DGCR2: variants seen among roughly 807,000 people sequenced by gnomAD.
DGCR2 encodes DiGeorge syndrome critical region gene 2, also known as integral membrane protein DGCR2/IDD.
A neutral mutation model predicts 51.6 loss-of-function variants in DGCR2; 24 were observed. The ratio of observed to expected loss-of-function variants is 0.47; its 90% CI spans 0.34 to 0.65. DGCR2 has a LOEUF of 0.65. Among genes scored for constraint, DGCR2 ranks in the 30% least tolerant of loss-of-function variants. The pLI is 0.01. For synonymous variants in DGCR2, 340 were observed against 315.4 expected (o/e 1.08, Z -0.82); for missense variants, 765 against 772.1 (o/e 0.99, Z 0.11).
At chr22:19,073,658 T>C (rs897312515) in intron 2 of DGCR2, among the ~76,000 whole-genome samples, 4 of 152,200 alleles carry the variant, frequency 2.6e-5, no homozygotes, top group Non-Finnish European at 4.4e-5. Flanking sequence ...TGGAGTAAGC[T>C]TAACCTTCAA....
chr22:19,083,400 C>T (rs137906937), intron 2 of DGCR2, among the ~76,000 whole-genome samples: 42 of 152,324 alleles, frequency 2.8e-4, no homozygotes, highest in East Asian at 1.5e-3. Flanking sequence ...CTCCTCATTC[C>T]TCTTCTTCAC....
chr22:19,042,259 G>T (rs1174302989), intron 7 of DGCR2, among the ~76,000 whole-genome samples: 1 of 152,188 alleles, frequency 6.6e-6, no homozygotes, highest in Non-Finnish European at 1.5e-5. Context: ...TCCTGTCCTA[G>T]GACTAGCACT....
At chr22:19,068,323 G>A (rs2082774157) in intron 2 of DGCR2, 98 bp from the exon 3 acceptor site, 4 of 1,348,992 alleles carry the variant, frequency 3.0e-6, no homozygotes, top group South Asian at 3.6e-5. Context: ...CAAGGCCGGA[G>A]GGGGGGCCTG....
intron 7 of DGCR2, 115 bp downstream of exon 7, chr22:19,048,323 TGC>T (rs1269812840): frequency 9.4e-7 from 1 of 1,067,950 alleles, no homozygotes; most frequent in Non-Finnish European, 1.4e-6. Context: ...CTGCCATTGC[TGC>T]TGCGCGATGC....
chr22:19,094,223 T>C (rs2083113062), intron 1 of DGCR2, among the ~76,000 whole-genome samples: 1 of 152,004 alleles, frequency 6.6e-6, no homozygotes, highest in Non-Finnish European at 1.5e-5. Flanking sequence ...AGGTTAAGAG[T>C]TTGAGACCAG....
intron 1 of DGCR2, among the ~76,000 whole-genome samples, chr22:19,118,116 C>G (rs1323325669): frequency 6.6e-6 from 1 of 152,064 alleles, no homozygotes; most frequent in Non-Finnish European, 1.5e-5. Context: ...CACCTGCAAT[C>G]CCGTAACTTT....
chr22:19,042,029 C>T (rs535496201), intron 7 of DGCR2, 70 bp from the exon 8 acceptor site: 163 of 1,531,094 alleles, frequency 1.1e-4, no homozygotes, highest in Admixed American at 3.0e-4. Flanking sequence ...GGGATGCTGT[C>T]GTCCTCCTGC....
intron 2 of DGCR2, among the ~76,000 whole-genome samples, chr22:19,087,737 T>C (rs1389780782): frequency 6.8e-6 from 1 of 147,152 alleles, no homozygotes; most frequent in Non-Finnish European, 1.5e-5. Context: ...CAGGATAAAG[T>C]GCAGTGGCAC....
At chr22:19,111,177 G>T (rs2083310263) in intron 1 of DGCR2, among the ~76,000 whole-genome samples, 1 of 152,220 alleles carries the variant, frequency 6.6e-6, no homozygotes, top group Non-Finnish European at 1.5e-5. Context: ...AGGTAGATTT[G>T]ATTGCAATCA....
intron 4 of DGCR2, among the ~76,000 whole-genome samples, chr22:19,063,542 G>A (rs1413929440): frequency 1.3e-5 from 2 of 151,152 alleles, no homozygotes; most frequent in African/African-American, 4.9e-5. Flanking sequence ...GTAGAGACGG[G>A]GTTTCACCAT....
chr22:19,048,706 G>A (rs1052911683), intron 6 of DGCR2, 63 bp from the exon 7 acceptor site: 2 of 1,553,212 alleles, frequency 1.3e-6, no homozygotes, highest in South Asian at 2.3e-5. Context: ...CTCCCCGTGT[G>A]GGCCACACTG....
At position 19,089,477 on chromosome 22, in the gene DGCR2, G is replaced by A; in HGVS notation, c.93C>T (p.Asn31=). ...CGCTGCGACACGCAAACTGCCCAGG[G>A]TTGCACCGCAGCTCTGTGGGACCAA... ...TEPLRPELRC[N]PGQFACRSGT... Residue 31 remains asparagine (N), a synonymous_variant, in exon 2 of 10, where the codon AAC becomes AAT. Coordinates refer to ENST00000263196, the MANE Select transcript of DGCR2 (RefSeq NM_005137.3). The A allele has an allele frequency of 6.3e-7, 1 of 1,591,880 alleles. No individual in the cohort carries two copies. The highest frequency in any genetic ancestry group is 8.6e-7 in the Non-Finnish European group (1 of 1,167,086).
intron 2 of DGCR2, among the ~76,000 whole-genome samples, chr22:19,078,430 T>C (rs532567018): frequency 2.6e-5 from 4 of 152,354 alleles, no homozygotes; most frequent in South Asian, 2.1e-4. Context: ...CCCTGCAATT[T>C]TGCTGAATTC....
chr22:19,043,737 C>A (rs1036569659), intron 7 of DGCR2, among the ~76,000 whole-genome samples: 2 of 152,174 alleles, frequency 1.3e-5, no homozygotes, highest in East Asian at 1.9e-4. Context: ...CACTTCACAA[C>A]CCCCGTGTGA....
At chr22:19,065,319 C>G (rs1601221209) in intron 3 of DGCR2, 2 of 507,490 alleles carry the variant, frequency 3.9e-6, no homozygotes, top group East Asian at 7.2e-5. Flanking sequence ...AATTTATTCA[C>G]TAGTCAAGAA....
intron 2 of DGCR2, among the ~76,000 whole-genome samples, chr22:19,087,536 C>G (rs2083030917): frequency 6.6e-6 from 1 of 152,140 alleles, no homozygotes; most frequent in East Asian, 1.9e-4. Context: ...CGCCACCACG[C>G]CCAGCTAATT....
At chr22:19,075,352 C>T (rs1433730662) in intron 2 of DGCR2, among the ~76,000 whole-genome samples, 1 of 151,850 alleles carries the variant, frequency 6.6e-6, no homozygotes, top group African/African-American at 2.4e-5. Context: ...GAGGCTGAGG[C>T]AGGACAATGG....
At chr22:19,113,843 G>A (rs1332014723) in intron 1 of DGCR2, among the ~76,000 whole-genome samples, 1 of 152,162 alleles carries the variant, frequency 6.6e-6, no homozygotes, top group Non-Finnish European at 1.5e-5. Context: ...CGGATCACCT[G>A]AGGTTGGGAG....
chr22:19,072,119 G>A (rs914695288), intron 2 of DGCR2, among the ~76,000 whole-genome samples: 1 of 152,092 alleles, frequency 6.6e-6, no homozygotes, highest in Non-Finnish European at 1.5e-5. Context: ...AGAGTTAACT[G>A]GTAAGAAGAT....
Sources: allele counts gnomAD v4.1 joint callset (sites outside exome capture counted in the v4.1 genomes callset), GRCh38; gene constraint gnomAD v4.1.1; transcripts MANE v1.5; gene names NCBI Gene and HGNC (gene_info 2026-07-23, HGNC 2026-07-21).